ASIC2: variants seen among roughly 807,000 people sequenced by gnomAD.
The protein encoded by ASIC2 is acid-sensing ion channel 2.
ASIC2 carries 25 observed loss-of-function variants against 57.3 expected under a neutral mutation model. The observed-to-expected ratio is 0.44, with a 90% CI of 0.32 to 0.61. ASIC2 has a LOEUF of 0.61. Among genes scored for constraint, ASIC2 ranks in the 20% least tolerant of loss-of-function variants. ASIC2 has a pLI of 0.06. For missense variants in ASIC2, 641 were observed against 738.1 expected (o/e 0.87, Z 1.52); for synonymous variants, 319 against 307.5 (o/e 1.04, Z -0.39).
In ASIC2 at chr17:33,192,073, T is replaced by A. The variant is rs138072018; in HGVS notation, c.709-80006A>T. On this transcript the variant is annotated intron_variant, in intron 1 of 9. Coordinates refer to ENST00000225823, the MANE Select transcript of ASIC2 (RefSeq NM_183377.2). ...CTCTCTCCCTCCATTTTCTTCTTAA[T>A]AAAAATATATTATAAGCAGAAGCTA... Among the ~76,000 whole-genome samples, 286 of 152,232 alleles carry A rather than the reference T, an allele frequency of 1.9e-3. 2 individuals are homozygous for A. The highest frequency in any genetic ancestry group is 6.6e-3 in the African/African-American group (275 of 41,540).
At chr17:33,983,710 T>C (rs188032116) in intron 1 of ASIC2, among the ~76,000 whole-genome samples, 147 of 152,296 alleles carry the variant, frequency 9.7e-4, no homozygotes, top group Non-Finnish European at 1.8e-3. Flanking sequence ...GCCCATTTAC[T>C]CAGCCCTCTG....
At chr17:33,982,267 A>G (rs1905653202) in intron 1 of ASIC2, among the ~76,000 whole-genome samples, 1 of 152,214 alleles carries the variant, frequency 6.6e-6, no homozygotes, top group Admixed American at 6.5e-5. Flanking sequence ...TGCTACATTA[A>G]ATGCTCTGCA....
intron 1 of ASIC2, among the ~76,000 whole-genome samples, chr17:33,694,049 A>G (rs1597837992): frequency 6.6e-6 from 1 of 152,284 alleles, no homozygotes; most frequent in East Asian, 1.9e-4. Flanking sequence ...TTGCTCATCT[A>G]TAAAATCAGG....
At chr17:33,042,305 A>G (rs2091933001) in intron 3 of ASIC2, among the ~76,000 whole-genome samples, 1 of 152,166 alleles carries the variant, frequency 6.6e-6, no homozygotes, top group Admixed American at 6.5e-5. Flanking sequence ...TCAAAGCAGA[A>G]AGGATGAGAT....
intron 1 of ASIC2, among the ~76,000 whole-genome samples, chr17:33,903,454 A>G (rs1915273065): frequency 6.6e-6 from 1 of 152,254 alleles, no homozygotes. Context: ...TTTGTAGTCA[A>G]GTAAGTTTGG....
At chr17:33,123,280 A>G (rs1001493550) in intron 1 of ASIC2, among the ~76,000 whole-genome samples, 3 of 152,390 alleles carry the variant, frequency 2.0e-5, no homozygotes, top group Admixed American at 6.5e-5. Context: ...AAAAGGTGGT[A>G]TAGATACGCA....
At chr17:33,094,222 A>AG (rs1377276777) in intron 2 of ASIC2, among the ~76,000 whole-genome samples, 1 of 152,040 alleles carries the variant, frequency 6.6e-6, no homozygotes, top group African/African-American at 2.4e-5. Flanking sequence ...AACTGGAGGG[A>AG]GAGAGGAGAG....
intron 1 of ASIC2, among the ~76,000 whole-genome samples, chr17:33,496,782 T>G (rs754876113): frequency 6.6e-6 from 1 of 151,924 alleles, no homozygotes; most frequent in Non-Finnish European, 1.5e-5. Flanking sequence ...CATGCCCAGC[T>G]AATTGTTCTA....
chr17:33,960,546 A>G (rs1026241204), intron 1 of ASIC2, among the ~76,000 whole-genome samples: 3 of 152,188 alleles, frequency 2.0e-5, no homozygotes, highest in Non-Finnish European at 2.9e-5. Flanking sequence ...CTGTCAGGAT[A>G]TAACCTCAAC....
intron 1 of ASIC2, chr17:34,005,160 T>C (rs1906482803): frequency 6.6e-6 from 1 of 151,864 alleles, no homozygotes; most frequent in Non-Finnish European, 1.5e-5. Flanking sequence ...CAACATCCTT[T>C]ACCTAACCTC....
At chr17:34,115,941 C>G (rs1473787571) in intron 1 of ASIC2, among the ~76,000 whole-genome samples, 1 of 152,186 alleles carries the variant, frequency 6.6e-6, no homozygotes, top group Non-Finnish European at 1.5e-5. Context: ...ATGGGATCCA[C>G]TCTATATGGG....
At chr17:33,326,156 T>C (rs527903976) in intron 1 of ASIC2, among the ~76,000 whole-genome samples, 193 of 152,322 alleles carry the variant, frequency 1.3e-3, no homozygotes, top group Non-Finnish European at 2.1e-3. Context: ...CTGCAGCATG[T>C]CACCATTTAC....
intron 1 of ASIC2, among the ~76,000 whole-genome samples, chr17:33,212,335 G>C (rs1295209026): frequency 3.9e-5 from 6 of 152,162 alleles, no homozygotes; most frequent in African/African-American, 1.4e-4. Context: ...CCACAGAAGA[G>C]GAGATGGCAC....
At chr17:33,443,406 A>ATTTTTTTTTTTTTTTTTTTTTTT (rs779597047) in intron 1 of ASIC2, among the ~76,000 whole-genome samples, 1 of 75,232 alleles carries the variant, frequency 1.3e-5, no homozygotes, top group African/African-American at 5.5e-5. Context: ...GGAGGGTAAG[A>ATTTTTTTTTTTTTTTTTTTTTTT]TTTTTTTTTT....
intron 1 of ASIC2, among the ~76,000 whole-genome samples, chr17:33,956,925 C>T (rs572284293): frequency 1.2e-4 from 18 of 152,362 alleles, no homozygotes; most frequent in African/African-American, 3.8e-4. Context: ...AGTAGCGAGG[C>T]TTCTGTAGAG....
intron 1 of ASIC2, among the ~76,000 whole-genome samples, chr17:33,846,365 C>T (rs975579415): frequency 6.6e-6 from 1 of 152,160 alleles, no homozygotes; most frequent in Non-Finnish European, 1.5e-5. Context: ...CTTGCTTCAC[C>T]TGCCCAGTTC....
At chr17:33,642,218 C>T (rs143616384) in intron 1 of ASIC2, among the ~76,000 whole-genome samples, 5 of 131,130 alleles carry the variant, frequency 3.8e-5, no homozygotes, top group Non-Finnish European at 8.3e-5. Context: ...CCCCCCCCCC[C>T]CCCACACACA....
chr17:34,039,180 C>T, intron 1 of ASIC2: 1 of 1,613,960 alleles, frequency 6.2e-7, no homozygotes, highest in Non-Finnish European at 8.5e-7. Context: ...TTCTTCCCTC[C>T]TTCTTCTCTA....
chr17:33,997,954 T>C (rs1906214005), intron 1 of ASIC2, among the ~76,000 whole-genome samples: 1 of 152,192 alleles, frequency 6.6e-6, no homozygotes, highest in Non-Finnish European at 1.5e-5. Flanking sequence ...ATTGGCATTA[T>C]TTTTTAAATA....
Sources: allele counts gnomAD v4.1 joint callset (sites outside exome capture counted in the v4.1 genomes callset), GRCh38; gene constraint gnomAD v4.1.1; transcripts MANE v1.5; gene names NCBI Gene and HGNC (gene_info 2026-07-23, HGNC 2026-07-21).